MGMT: variants seen among roughly 807,000 people sequenced by gnomAD.
MGMT encodes the protein O-6-methylguanine-DNA methyltransferase.
MGMT carries 14 observed loss-of-function variants against 15.9 expected under a neutral mutation model. The ratio of observed to expected loss-of-function variants is 0.88; its 90% CI spans 0.58 to 1.37. The LOEUF (loss-of-function observed/expected upper bound fraction) is 1.37, where lower values mean the gene tolerates loss of function less well. Ranked by LOEUF, MGMT falls within the 40% of genes most tolerant of loss-of-function variation. MGMT has a pLI of 0.00. For missense variants in MGMT, 282 were observed against 268.1 expected (o/e 1.05, Z -0.36); for synonymous variants, 130 against 118.2 (o/e 1.10, Z -0.65).
At chr10:129,600,779 C>A (rs967011157) in intron 2 of MGMT, among the ~76,000 whole-genome samples, 1 of 152,162 alleles carries the variant, frequency 6.6e-6, no homozygotes, top group Non-Finnish European at 1.5e-5. Context: ...GGCCAGTTTT[C>A]CATACAAGTA....
intron 2 of MGMT, among the ~76,000 whole-genome samples, chr10:129,591,953 A>T (rs1030343573): frequency 1.4e-4 from 22 of 152,174 alleles, no homozygotes; most frequent in Admixed American, 2.0e-4. Context: ...AATAAATAAA[A>T]AAGAATGTCC....
chr10:129,707,759 GCACAGCTAGTTGAGA>G (rs1267794097), intron 2 of MGMT, 121 bp from the exon 3 acceptor site: 1 of 1,201,382 alleles, frequency 8.3e-7, no homozygotes, highest in Non-Finnish European at 1.2e-6. Context: ...CCTTTCTGCT[GCACAGCTAGTTGAGA>G]CGTGTGTGCC....
chr10:129,544,690 T>C (rs1431630860), intron 2 of MGMT, among the ~76,000 whole-genome samples: 2 of 151,764 alleles, frequency 1.3e-5, no homozygotes, highest in African/African-American at 4.8e-5. Flanking sequence ...CCCCAGGCCC[T>C]GTGTCTGCGC....
intron 2 of MGMT, among the ~76,000 whole-genome samples, chr10:129,670,549 T>C (rs57752437): frequency 6.2e-4 from 95 of 152,156 alleles, no homozygotes; most frequent in Non-Finnish European, 1.1e-3. Flanking sequence ...ATAAAAAAAA[T>C]TTTTGAGAAA....
At chr10:129,646,754 A>ATATATATATTTTTTTTT in intron 2 of MGMT, among the ~76,000 whole-genome samples, 22 of 86,658 alleles carry the variant, frequency 2.5e-4, no homozygotes, top group African/African-American at 6.7e-4. Flanking sequence ...ATATATATAT[A>ATATATATATTTTTTTTT]TTTTCAGGGA....
chr10:129,704,285 C>CT (rs1362096827), intron 2 of MGMT, among the ~76,000 whole-genome samples: 1 of 152,144 alleles, frequency 6.6e-6, no homozygotes, highest in Non-Finnish European at 1.5e-5. Context: ...TAAGGAAACT[C>CT]TGAGAGAGGC....
chr10:129,602,575 C>T (rs898841401), intron 2 of MGMT, among the ~76,000 whole-genome samples: 20 of 152,202 alleles, frequency 1.3e-4, no homozygotes, highest in African/African-American at 4.6e-4. Flanking sequence ...ACAGATGGGC[C>T]GTGTGTCGTA....
chr10:129,767,155 G>T lies in MGMT; in HGVS notation c.*158G>T. ...CATATTTTACAGCAGGATGAGTTCA[G>T]ACGCCCGCGGTCCTGCACACATTTG... On this transcript the variant is annotated 3_prime_UTR_variant, in exon 5 of 5. Transcript: ENST00000651593. The T allele has an allele frequency of 1.6e-6, 1 of 631,590 alleles. No homozygotes were observed. Among genetic ancestry groups the T allele is most frequent in the Non-Finnish European group, 2.7e-6 (1 of 373,582 alleles). 39.1% of individuals were successfully genotyped at this position (631,590 alleles called of 1,614,324 possible).
intron 2 of MGMT, among the ~76,000 whole-genome samples, chr10:129,622,157 T>A (rs1847097416): frequency 6.6e-6 from 1 of 152,210 alleles, no homozygotes; most frequent in African/African-American, 2.4e-5. Flanking sequence ...TAATTTTGCT[T>A]TGAGACGGAA....
chr10:129,768,763 C>A lies in MGMT; in HGVS notation c.*1766C>A, dbSNP rs1404703664. 2.0e-5 allele frequency: 3 copies of A among 152,486 alleles called. No homozygotes were observed. Among genetic ancestry groups the A allele is most frequent in the Middle Eastern group, 3.4e-3 (1 of 294 alleles). 9.4% of individuals were successfully genotyped at this position (152,486 alleles called of 1,614,324 possible). A position where few individuals can be genotyped will look rare whatever the true frequency, so the allele number is the denominator to read the frequency against. On this transcript the variant is annotated 3_prime_UTR_variant, in exon 5 of 5. Coordinates refer to ENST00000651593, the MANE Select transcript of MGMT (RefSeq NM_002412.5). ...TGCTGTGGAGACCCCAGCACCACTT[C>A]CCCTGCTGGAGGATGGATTTGAAGG...
intron 2 of MGMT, among the ~76,000 whole-genome samples, chr10:129,680,849 C>A (rs1031695773): frequency 1.3e-5 from 2 of 152,192 alleles, no homozygotes; most frequent in Non-Finnish European, 2.9e-5. Flanking sequence ...GGGTGCCGGC[C>A]GTGTCTGATG....
At chr10:129,646,719 A>AATAT (rs10543851) in intron 2 of MGMT, among the ~76,000 whole-genome samples, 1,112 of 81,434 alleles carry the variant, frequency 0.014, 49 homozygotes, top group African/African-American at 0.037. Context: ...GCCCATCAGA[A>AATAT]ATATATATAT....
At position 129,769,318 on chromosome 10, in the gene MGMT, G is replaced by C. The variant is rs570732327; in HGVS notation, c.*2321G>C. 2 of 152,344 alleles carry C rather than the reference G, an allele frequency of 1.3e-5. No homozygotes were observed. The highest frequency in any genetic ancestry group is 4.8e-5 in the African/African-American group (2 of 41,580). The allele number at this position is 152,344 out of a possible 1,614,324, so 9.4% of individuals were successfully genotyped here. ...AGGCCGACATGAAAAGCCAGCACGC[G>C]GGTCGCCTAGAGCCGCTCTGCCTCC... On this transcript the variant is annotated 3_prime_UTR_variant, in exon 5 of 5. Coordinates refer to ENST00000651593, the MANE Select transcript of MGMT (RefSeq NM_002412.5).
At chr10:129,734,369 A>T (rs944337342) in intron 3 of MGMT, among the ~76,000 whole-genome samples, 1 of 144,058 alleles carries the variant, frequency 6.9e-6, no homozygotes, top group African/African-American at 2.5e-5. Flanking sequence ...TTTGTCTGTT[A>T]TTGGTGTATA....
At chr10:129,594,774 A>G (rs1313394916) in intron 2 of MGMT, among the ~76,000 whole-genome samples, 1 of 152,246 alleles carries the variant, frequency 6.6e-6, no homozygotes, top group Non-Finnish European at 1.5e-5. Context: ...TCCCCAGAGA[A>G]GGTGCACCTC....
chr10:129,658,059 A>T (rs1196756120), intron 2 of MGMT, among the ~76,000 whole-genome samples: 1 of 152,182 alleles, frequency 6.6e-6, no homozygotes, highest in African/African-American at 2.4e-5. Flanking sequence ...CCTAAAGGTG[A>T]TCTCCCTGGT....
intron 2 of MGMT, among the ~76,000 whole-genome samples, chr10:129,665,252 A>T: frequency 1.1e-5 from 1 of 87,420 alleles, no homozygotes. Context: ...ACTTACCCCC[A>T]CACCCGCTCA....
intron 2 of MGMT, among the ~76,000 whole-genome samples, chr10:129,673,550 C>T (rs1564756014): frequency 6.6e-6 from 1 of 152,128 alleles, no homozygotes; most frequent in Non-Finnish European, 1.5e-5. Flanking sequence ...CTGCCTGATG[C>T]ACCACCCCAT....
intron 2 of MGMT, among the ~76,000 whole-genome samples, chr10:129,625,510 T>C (rs1490648882): frequency 3.3e-5 from 5 of 152,230 alleles, no homozygotes; most frequent in Admixed American, 3.3e-4. Context: ...TAGAAAAATA[T>C]GTATATTTCC....
Sources: gnomAD v4.1 joint callset for allele counts (sites outside exome capture counted in the v4.1 genomes callset) on GRCh38, gnomAD v4.1.1 for gene constraint, MANE v1.5 for transcripts, NCBI Gene and HGNC (gene_info 2026-07-23, HGNC 2026-07-21) for gene names.